Variants in DOCK9 observed in about 807,000 individuals in gnomAD.
DOCK9 encodes dedicator of cytokinesis 9.
In DOCK9, 89 loss-of-function variants were observed where a neutral mutation model predicts 263.3. The ratio of observed to expected loss-of-function variants is 0.34; its 90% CI spans 0.28 to 0.40. The LOEUF (loss-of-function observed/expected upper bound fraction) is 0.40. Among genes scored for constraint, DOCK9 ranks in the 10% least tolerant of loss-of-function variants. DOCK9 has a pLI of 1.00. For missense variants in DOCK9, 2,140 were observed against 2,603.4 expected, an observed-to-expected ratio of 0.82 and a Z score of 3.87; for synonymous variants, 976 against 973.1, an observed-to-expected ratio of 1.00 and a Z score of -0.06.
intron 27 of DOCK9, among the ~76,000 whole-genome samples, chr13:98,876,313 G>C (rs1297195158): frequency 6.6e-6 from 1 of 152,172 alleles, no homozygotes; most frequent in Non-Finnish European, 1.5e-5. Flanking sequence ...CCAACATGGT[G>C]AAACCCTGTC....
chr13:98,899,527 T>A (rs1375112422), intron 13 of DOCK9, among the ~76,000 whole-genome samples: 1 of 152,190 alleles, frequency 6.6e-6, no homozygotes, highest in Non-Finnish European at 1.5e-5. Context: ...CAGGGAATCA[T>A]CTAGGACCTC....
At chr13:99,085,431 G>C (rs990696040) in intron 1 of DOCK9, among the ~76,000 whole-genome samples, 4 of 152,226 alleles carry the variant, frequency 2.6e-5, no homozygotes, top group African/African-American at 9.6e-5. Context: ...GTTGTAGTGC[G>C]TTTCCAAATA....
intron 2 of DOCK9, among the ~76,000 whole-genome samples, chr13:98,947,779 T>G (rs1196698505): frequency 1.3e-5 from 2 of 152,194 alleles, no homozygotes; most frequent in African/African-American, 4.8e-5. Context: ...GTGCTAGGAT[T>G]ACAGGCGTGA....
intron 1 of DOCK9, among the ~76,000 whole-genome samples, chr13:99,055,362 G>A (rs1468551283): frequency 6.6e-6 from 1 of 152,206 alleles, no homozygotes; most frequent in African/African-American, 2.4e-5. Context: ...AGGAAAAGAG[G>A]ACTCCCTGTG....
intron 30 of DOCK9, 70 bp from the exon 31 acceptor site, chr13:98,863,618 A>C: frequency 2.0e-6 from 3 of 1,475,592 alleles, no homozygotes; most frequent in Non-Finnish European, 2.7e-6. Context: ...AAACAAACAA[A>C]CAAACAAAAA....
At chr13:99,004,455 C>T (rs1258598714) in intron 1 of DOCK9, among the ~76,000 whole-genome samples, 2 of 152,056 alleles carry the variant, frequency 1.3e-5, no homozygotes, top group East Asian at 3.9e-4. Context: ...CAGGAAATAC[C>T]AAACATCCAT....
rs2094062838 is a variant in DOCK9, at chr13:98,867,480, A to G, written c.3231T>C (p.Tyr1077=). ...FLRVVCNHEH[Y]IPLNLPMPFG... is the part of the protein sequence containing the mutation. ...ATGGCATTGGTAAGTTCAACGGAAT[A>G]TAATGTTCATGGTTGCACACTACAC... The change falls in exon 30 of 53, where the codon TAT becomes TAC. Residue 1077 remains tyrosine, a synonymous_variant. Transcript: ENST00000682017. 1.2e-6 allele frequency: 2 copies of G among 1,612,892 alleles called. No homozygotes were observed. Among genetic ancestry groups the G allele is most frequent in the Non-Finnish European group, 1.7e-6 (2 of 1,179,504 alleles).
chr13:98,877,530 C>T (rs1196909047), intron 27 of DOCK9, among the ~76,000 whole-genome samples: 1 of 152,108 alleles, frequency 6.6e-6, no homozygotes, highest in African/African-American at 2.4e-5. Context: ...GTGCTGGGTC[C>T]TAAGCTTTCC....
chr13:98,927,343 T>C (rs534633860), intron 3 of DOCK9, among the ~76,000 whole-genome samples: 6 of 152,312 alleles, frequency 3.9e-5, no homozygotes, highest in African/African-American at 1.4e-4. Context: ...ATCCATAGTT[T>C]TGGATTTTCC....
At chr13:98,991,448 C>T (rs1237485045) in intron 1 of DOCK9, among the ~76,000 whole-genome samples, 2 of 152,120 alleles carry the variant, frequency 1.3e-5, no homozygotes, top group Admixed American at 6.5e-5. Context: ...ACTAGCCACA[C>T]GGGGCTACTC....
At chr13:99,020,542 T>C (rs1885971772) in intron 1 of DOCK9, among the ~76,000 whole-genome samples, 1 of 152,198 alleles carries the variant, frequency 6.6e-6, no homozygotes, top group African/African-American at 2.4e-5. Context: ...TCCCAAGCTT[T>C]GAGCTCCTGC....
chr13:99,010,743 A>G (rs1566292784), intron 1 of DOCK9, among the ~76,000 whole-genome samples: 1 of 152,194 alleles, frequency 6.6e-6, no homozygotes, highest in Non-Finnish European at 1.5e-5. Flanking sequence ...CGCCCACCAT[A>G]TGGCTGATTC....
At chr13:98,923,032 A>G (rs1457178812) in intron 5 of DOCK9, among the ~76,000 whole-genome samples, 1 of 152,218 alleles carries the variant, frequency 6.6e-6, no homozygotes, top group Non-Finnish European at 1.5e-5. Flanking sequence ...TCTTTTAACA[A>G]TGTAGCCAGA....
intron 52 of DOCK9, among the ~76,000 whole-genome samples, chr13:98,795,262 G>C (rs1358096933): frequency 6.6e-6 from 1 of 152,220 alleles, no homozygotes; most frequent in Admixed American, 6.5e-5. Context: ...AAGCATTTGT[G>C]TTTCTCTCCT....
At chr13:98,857,833 T>G (rs7333352) in intron 33 of DOCK9, 67,845 of 152,088 alleles carry the variant, frequency 0.45, 16,090 homozygotes, top group Middle Eastern at 0.55. Context: ...TGAATGATTG[T>G]CGCAAGGGAC....
chr13:99,014,650 C>A (rs1345986611), intron 1 of DOCK9, among the ~76,000 whole-genome samples: 1 of 152,212 alleles, frequency 6.6e-6, no homozygotes, highest in South Asian at 2.1e-4. Context: ...GCTGGCAAGA[C>A]ACACACAGAA....
chr13:98,869,201 C>T (rs2094127357), intron 27 of DOCK9, among the ~76,000 whole-genome samples: 1 of 152,224 alleles, frequency 6.6e-6, no homozygotes, highest in African/African-American at 2.4e-5. Flanking sequence ...AGTAATCTTT[C>T]CCCAACAGGA....
intron 15 of DOCK9, among the ~76,000 whole-genome samples, chr13:98,891,461 G>A (rs1039548381): frequency 1.3e-5 from 2 of 152,096 alleles, no homozygotes; most frequent in Non-Finnish European, 2.9e-5. Flanking sequence ...GTATGCAAGG[G>A]TAATGGATTT....
rs1299727537 is a variant in DOCK9 at position 98,932,369 on chromosome 13, T to C, written c.244-2112A>G. Reference sequence around the variant, plus strand: ...AAGATGGTGCCACTGCATTCCAGCCTGGGCAACAGAGCAAGACTCCATCTC... The same window carrying C: ...AAGATGGTGCCACTGCATTCCAGCCCGGGCAACAGAGCAAGACTCCATCTC... On this transcript the variant is annotated intron_variant, in intron 2 of 52. Coordinates refer to ENST00000682017, the MANE Select transcript of DOCK9 (RefSeq NM_001366683.2). Among the ~76,000 whole-genome samples, 3 of 152,134 alleles carry C rather than the reference T, an allele frequency of 2.0e-5. No homozygotes were observed. In the South Asian group the frequency reaches 6.2e-4, roughly 32 times the overall value.
Sources: allele counts gnomAD v4.1 joint callset (sites outside exome capture counted in the v4.1 genomes callset), GRCh38; gene constraint gnomAD v4.1.1; transcripts MANE v1.5; gene names NCBI Gene and HGNC (gene_info 2026-07-23, HGNC 2026-07-21).